The following GPR89A variants were observed in gnomAD, a reference collection of about 807,000 sequenced individuals.
The protein encoded by GPR89A is golgi pH regulator A.
A neutral mutation model predicts 52.0 loss-of-function variants in GPR89A; 16 were observed. That is an observed-to-expected ratio of 0.31 (90% CI 0.21 to 0.47). The LOEUF (loss-of-function observed/expected upper bound fraction) is 0.47, where lower values mean the gene tolerates loss of function less well. GPR89A is among the 20% of genes least tolerant of loss of function. The pLI is 1.00. For synonymous variants in GPR89A, 55 were observed against 150.9 expected (o/e 0.36, Z 4.66); for missense variants, 135 against 449.4 (o/e 0.30, Z 6.33).
At chr1:145,656,063 C>T (rs587679071) in intron 10 of GPR89A, among the ~76,000 whole-genome samples, 5 of 152,168 alleles carry the variant, frequency 3.3e-5, no homozygotes, top group African/African-American at 1.2e-4. Flanking sequence ...GGTCTGGCCA[C>T]AGTCTGCCAC....
chr1:145,667,907 C>T (rs1479451831), intron 12 of GPR89A, among the ~76,000 whole-genome samples: 4 of 152,102 alleles, frequency 2.6e-5, no homozygotes, highest in Non-Finnish European at 4.4e-5. Flanking sequence ...TTTCTGAGGG[C>T]TCTGTTCTGT....
chr1:145,653,480 A>G lies in GPR89A; in HGVS notation c.909+6213A>G, dbSNP rs1488661160. ...TGGGTAGAGAGTTCTGTAGATGTCT[A>G]TCAGGTCCACTTGATCCAGAGCTGA... On this transcript the variant is annotated intron_variant, in intron 10 of 13. Coordinates refer to ENST00000313835, the MANE Select transcript of GPR89A (RefSeq NM_001097612.2). Among the ~76,000 whole-genome samples the G allele has an allele frequency of 1.1e-4, 17 of 149,372 alleles. No individual in the cohort carries two copies. In the East Asian group the frequency reaches 1.4e-3, roughly 12 times the overall value.
At chr1:145,652,765 A>G (rs2101820129) in intron 10 of GPR89A, among the ~76,000 whole-genome samples, 1 of 137,410 alleles carries the variant, frequency 7.3e-6, no homozygotes, top group South Asian at 2.4e-4. Context: ...TAGATTTTCT[A>G]GTTGATTTGC....
chr1:145,632,645 T>G (rs1316206877), intron 7 of GPR89A, among the ~76,000 whole-genome samples: 2 of 152,240 alleles, frequency 1.3e-5, no homozygotes, highest in Non-Finnish European at 2.9e-5. Context: ...CATTTTTCTG[T>G]TGCTGCACAT....
chr1:145,649,843 A>G (rs1651327166), intron 10 of GPR89A, among the ~76,000 whole-genome samples: 1 of 152,032 alleles, frequency 6.6e-6, no homozygotes, highest in African/African-American at 2.4e-5. Context: ...TAGACATTCT[A>G]ATAGATACGA....
intron 7 of GPR89A, among the ~76,000 whole-genome samples, chr1:145,640,692 ACTT>A (rs1465510904): frequency 0.5 from 2 of 4 alleles, 1 homozygote; most frequent in African/African-American, 1. Flanking sequence ...AAGACTCCTT[ACTT>A]AAAAAAAAAA....
At chr1:145,626,949 CA>C (rs1559030224) in intron 5 of GPR89A, among the ~76,000 whole-genome samples, 8 of 126,600 alleles carry the variant, frequency 6.3e-5, no homozygotes, top group Admixed American at 8.9e-5. Context: ...CGAGACTCTA[CA>C]AAAAAAAAAA....
At chr1:145,608,253 G>C (rs1191634399) in intron 1 of GPR89A, 78 bp downstream of exon 1, 5 of 1,588,808 alleles carry the variant, frequency 3.1e-6, no homozygotes, top group Non-Finnish European at 4.3e-6. Flanking sequence ...CGCGGTGCGG[G>C]CTGGTCCGGG....
intron 10 of GPR89A, among the ~76,000 whole-genome samples, chr1:145,649,439 T>G (rs868963419): frequency 6.6e-6 from 1 of 151,332 alleles, no homozygotes; most frequent in South Asian, 2.1e-4. Flanking sequence ...CTCGGCATGA[T>G]TATTTTACAT....
At chr1:145,667,034 T>C (rs1490083802) in intron 12 of GPR89A, among the ~76,000 whole-genome samples, 2 of 150,378 alleles carry the variant, frequency 1.3e-5, no homozygotes, top group African/African-American at 2.4e-5. Flanking sequence ...ATATTGCACA[T>C]GCAATAAACA....
intron 10 of GPR89A, among the ~76,000 whole-genome samples, chr1:145,659,838 A>G (rs1248332724): frequency 7.4e-6 from 1 of 135,192 alleles, no homozygotes; most frequent in Non-Finnish European, 1.6e-5. Context: ...TAGGGATGGC[A>G]TTGAATCTAT....
At chr1:145,628,082 G>C (rs1649634913) in intron 5 of GPR89A, among the ~76,000 whole-genome samples, 2 of 151,026 alleles carry the variant, frequency 1.3e-5, no homozygotes, top group South Asian at 4.2e-4. Context: ...TCCAGGTGAT[G>C]TTAAATAAGC....
intron 3 of GPR89A, among the ~76,000 whole-genome samples, chr1:145,622,020 G>A (rs1333034210): frequency 1.3e-5 from 2 of 150,632 alleles, no homozygotes; most frequent in Non-Finnish European, 3.0e-5. Flanking sequence ...AACAGTGGGA[G>A]TGCCTAAAAG....
intron 1 of GPR89A, among the ~76,000 whole-genome samples, chr1:145,609,311 A>G (rs1238054527): frequency 6.6e-6 from 1 of 152,206 alleles, no homozygotes; most frequent in African/African-American, 2.4e-5. Context: ...TTTTCTCTTC[A>G]AAAACTTGTT....
intron 2 of GPR89A, 43 bp from the exon 3 acceptor site, chr1:145,618,277 T>G (rs1553687406): frequency 6.2e-7 from 1 of 1,605,524 alleles, no homozygotes; most frequent in South Asian, 1.1e-5. Flanking sequence ...GTTCAGTTTT[T>G]AAACAAGGAA....
chr1:145,668,068 C>T (rs587615605), intron 12 of GPR89A, among the ~76,000 whole-genome samples: 1 of 152,168 alleles, frequency 6.6e-6, no homozygotes, highest in East Asian at 1.9e-4. Flanking sequence ...CTTTTTGGTT[C>T]CATATGAACT....
intron 10 of GPR89A, among the ~76,000 whole-genome samples, chr1:145,657,211 T>C (rs11487304): frequency 0.091 from 13,349 of 146,544 alleles, 2,245 homozygotes; most frequent in African/African-American, 0.34. Flanking sequence ...CTGGGCAGCA[T>C]AGCAAGACCC....
rs199540831 is a variant in GPR89A, at chr1:145,608,153, C to A, written c.20C>A (p.Ser7Tyr). Residue 7 changes from serine to tyrosine, a missense_variant, in exon 1 of 14, where the codon TCC becomes TAC. Around this residue, in one of 10 missense-constraint regions of GPR89A, gnomAD observed 38 missense variants for 40.2 expected, o/e 0.95. Transcript: ENST00000313835. Reference sequence around the variant, plus strand: ...TTCGCCATGAGTTTCCTCATCGACTCCAGCATCATGATTACCTCCCAGGTG... The same window carrying A: ...TTCGCCATGAGTTTCCTCATCGACTACAGCATCATGATTACCTCCCAGGTG... MSFLID[S>Y]SIMITSQILF... 6.2e-7 allele frequency: 1 copy of A among 1,613,708 alleles called. No individual in the cohort carries two copies. The highest frequency in any genetic ancestry group is 2.2e-5 in the East Asian group (1 of 44,880).
intron 9 of GPR89A, 181 bp from the exon 10 acceptor site, chr1:145,646,992 GTC>G (rs782187729): frequency 7.1e-6 from 5 of 702,698 alleles, no homozygotes; most frequent in Non-Finnish European, 1.2e-5. Flanking sequence ...GTTTATCCCA[GTC>G]TCTAGCTAAA....
Sources: allele counts gnomAD v4.1 joint callset (sites outside exome capture counted in the v4.1 genomes callset), GRCh38; gene constraint gnomAD v4.1.1; regional missense constraint gnomAD v4.1.1; transcripts MANE v1.5; gene names NCBI Gene and HGNC (gene_info 2026-07-23, HGNC 2026-07-21).